Variants in NHSL1 observed in about 807,000 individuals in gnomAD.
The protein encoded by NHSL1 is NHS like 1.
NHSL1 carries 48 observed loss-of-function variants against 95.0 expected under a neutral mutation model. The ratio of observed to expected loss-of-function variants is 0.51; its 90% CI spans 0.40 to 0.64. NHSL1 has a LOEUF of 0.64. Ranked by LOEUF, NHSL1 falls within the 30% of genes least tolerant of loss-of-function variation. The probability of loss-of-function intolerance (pLI) is 0.00; values close to 1 mark genes in which losing one functional copy is unlikely to be tolerated. For synonymous variants in NHSL1, 783 were observed against 833.9 expected (o/e 0.94, Z 1.05); for missense variants, 1,971 against 2,077.7 (o/e 0.95, Z 1.00).
chr6:138,531,325 A>G (rs1208656772), intron 1 of NHSL1, among the ~76,000 whole-genome samples: 3 of 152,220 alleles, frequency 2.0e-5, no homozygotes, highest in Admixed American at 1.3e-4. Flanking sequence ...GACAATGTCC[A>G]TTCTAATTTA....
At position 138,432,051 on chromosome 6, in the gene NHSL1, G is replaced by A. The variant is rs751389145; in HGVS notation, c.2294C>T (p.Ser765Leu). The A allele has an allele frequency of 5.2e-6, 8 of 1,551,596 alleles. No individual in the cohort carries two copies. The highest frequency in any genetic ancestry group is 1.7e-4 in the Middle Eastern group (1 of 6,014). The change falls in exon 6 of 8, where the codon TCG (serine) becomes TTG (leucine). Residue 765 changes from serine to leucine, a missense_variant. Ser to Leu is a moderately radical substitution (Grantham distance 145, BLOSUM62 -2). Coordinates refer to ENST00000343505, the MANE Select transcript of NHSL1 (RefSeq NM_001144060.2). This position sits in a 1 kb window ranked among gnomAD's most constrained non-coding sequence, Gnocchi z 4.4. ...CTTGACGCTGCTTGTGTCACTCTGC[G>A]ATGGCGTGGCCCCGCACAGGGAGTA... The part of the protein sequence containing the change: ...NVYSLCGATP[S>L]QSDTSSVKSE...
At chr6:138,531,077 G>T (rs1336047024) in intron 1 of NHSL1, among the ~76,000 whole-genome samples, 1 of 152,142 alleles carries the variant, frequency 6.6e-6, no homozygotes. Context: ...AACCTCACCA[G>T]AATTCATGCT....
intron 4 of NHSL1, among the ~76,000 whole-genome samples, chr6:138,443,493 C>T (rs774800738): frequency 1.1e-4 from 16 of 152,176 alleles, no homozygotes; most frequent in Non-Finnish European, 2.2e-4. Flanking sequence ...GAAAAAACTT[C>T]CTTGTATCAA....
At position 138,429,691 on chromosome 6, in the gene NHSL1, G is replaced by T. The variant is rs759681278; in HGVS notation, c.4085+20C>A. 105 of 1,542,372 alleles carry T rather than the reference G, an allele frequency of 6.8e-5. No homozygotes were observed. The African/African-American group carries it at 1.3e-3, about 19-fold the overall frequency. On this transcript the variant is annotated intron_variant, in intron 7 of 7. Coordinates refer to ENST00000343505, the MANE Select transcript of NHSL1 (RefSeq NM_001144060.2). Reference sequence around the variant, plus strand: ...GGAATTACACAGTAGATTAAAGTCAGAGGAAGGAGTTTGAAATACCTGTGA... The same window carrying T: ...GGAATTACACAGTAGATTAAAGTCATAGGAAGGAGTTTGAAATACCTGTGA...
chr6:138,663,435 T>C (rs898023233), intron 1 of NHSL1, among the ~76,000 whole-genome samples: 1 of 151,318 alleles, frequency 6.6e-6, no homozygotes, highest in African/African-American at 2.4e-5. Flanking sequence ...GGTGCATGCC[T>C]GTAATCTCAG....
intron 1 of NHSL1, among the ~76,000 whole-genome samples, chr6:138,689,662 T>C (rs1027560653): frequency 1.3e-5 from 2 of 152,242 alleles, no homozygotes; most frequent in Non-Finnish European, 2.9e-5. Context: ...TGCTGGATTC[T>C]GTTAATTGCT....
chr6:138,592,209 C>T (rs910271319), intron 1 of NHSL1, among the ~76,000 whole-genome samples: 1 of 152,066 alleles, frequency 6.6e-6, no homozygotes, highest in Admixed American at 6.5e-5. Flanking sequence ...CTAATAGGTC[C>T]CACACCCACA....
chr6:138,496,849 G>A (rs896479104), intron 1 of NHSL1, among the ~76,000 whole-genome samples: 1 of 152,164 alleles, frequency 6.6e-6, no homozygotes, highest in Non-Finnish European at 1.5e-5. Flanking sequence ...ATTATTTAAA[G>A]AGCATCACTG....
intron 3 of NHSL1, among the ~76,000 whole-genome samples, chr6:138,463,648 G>T (rs1429080751): frequency 6.6e-6 from 1 of 151,688 alleles, no homozygotes; most frequent in Non-Finnish European, 1.5e-5. Context: ...TAGGTTTTAA[G>T]CCCCACATGC....
intron 1 of NHSL1, among the ~76,000 whole-genome samples, chr6:138,667,856 A>G (rs1562407479): frequency 6.6e-6 from 1 of 152,222 alleles, no homozygotes; most frequent in East Asian, 1.9e-4. Flanking sequence ...TGCTTCTGTT[A>G]TGTACCAACT....
intron 1 of NHSL1, among the ~76,000 whole-genome samples, chr6:138,615,105 G>A (rs945714325): frequency 4.6e-5 from 7 of 152,116 alleles, no homozygotes; most frequent in South Asian, 2.1e-4. Context: ...CCCAGGTCTC[G>A]GCTTGCAAAA....
intron 1 of NHSL1, among the ~76,000 whole-genome samples, chr6:138,678,600 T>C (rs1314733599): frequency 2.0e-5 from 3 of 152,228 alleles, no homozygotes; most frequent in Non-Finnish European, 4.4e-5. Context: ...AGATGAAGTA[T>C]TTAAACACAT....
rs150691750 is a variant in NHSL1, at chr6:138,427,395, G to A, written c.4085+2316C>T. 8.2e-4 allele frequency among the ~76,000 whole-genome samples: 125 copies of A among 151,660 alleles called. 1 individual carries two copies. The highest frequency in any genetic ancestry group is 2.7e-3 in the African/African-American group (113 of 41,314). ...GCAGAGGTTGCAGTGATCCAAGATC[G>A]CGCCACTGCACTCCAGCCTGGGTGA... On this transcript the variant is annotated intron_variant, in intron 7 of 7. Coordinates refer to ENST00000343505, the MANE Select transcript of NHSL1 (RefSeq NM_001144060.2).
rs1269924503 is a variant in NHSL1, at chr6:138,430,739, G to A, written c.3606C>T (p.Phe1202=). The change falls in exon 6 of 8, where the codon TTC becomes TTT. Residue 1202 remains phenylalanine, a synonymous_variant. Transcript: ENST00000343505. The surrounding 1 kb of genome is among the most constrained non-coding windows in gnomAD (Gnocchi z 4.7). ...CTTTCTGCGGAGGTGGTACCACCAG[G>A]AACAGTTTGGGCTTCTTGGAAATGG... ...PPPISKKPKL[F]LVVPPPQKDF... The A allele has an allele frequency of 6.4e-7, 1 of 1,551,778 alleles. No homozygotes were observed. Among genetic ancestry groups the A allele is most frequent in the Non-Finnish European group, 8.7e-7 (1 of 1,147,022 alleles).
chr6:138,429,644 T>C (rs1049178281), intron 7 of NHSL1, 67 bp downstream of exon 7: 3 of 1,375,166 alleles, frequency 2.2e-6, no homozygotes, highest in African/African-American at 2.9e-5. Flanking sequence ...GAAAAGTAAA[T>C]TGAGGTGCTG....
chr6:138,459,136 C>T, intron 3 of NHSL1, among the ~76,000 whole-genome samples: 1 of 152,048 alleles, frequency 6.6e-6, no homozygotes, highest in East Asian at 1.9e-4. Flanking sequence ...TACAGGCACA[C>T]ACCACCATGC....
At chr6:138,628,492 C>T in intron 1 of NHSL1, among the ~76,000 whole-genome samples, 1 of 152,186 alleles carries the variant, frequency 6.6e-6, no homozygotes, top group East Asian at 1.9e-4. Flanking sequence ...TATCTTCACA[C>T]TTTGTAATAC....
At chr6:138,664,760 C>G (rs912131437) in intron 1 of NHSL1, among the ~76,000 whole-genome samples, 1 of 152,198 alleles carries the variant, frequency 6.6e-6, no homozygotes, top group African/African-American at 2.4e-5. Flanking sequence ...TTGGCTCATG[C>G]AATTGTCGGA....
intron 2 of NHSL1, among the ~76,000 whole-genome samples, chr6:138,481,835 C>T (rs952746872): frequency 1.4e-4 from 21 of 152,124 alleles, no homozygotes; most frequent in African/African-American, 5.1e-4. Flanking sequence ...CTAATAAATG[C>T]AAATTTGAGC....
Sources: gnomAD v4.1 joint callset for allele counts (sites outside exome capture counted in the v4.1 genomes callset) on GRCh38, gnomAD v4.1.1 for gene constraint, Gnocchi (gnomAD v3.1) non-coding constraint, MANE v1.5 for transcripts, NCBI Gene and HGNC (gene_info 2026-07-23, HGNC 2026-07-21) for gene names.